The following MGRN1 variants were observed in gnomAD, a reference collection of about 807,000 sequenced individuals.
MGRN1 encodes E3 ubiquitin-protein ligase MGRN1.
In MGRN1, 29 loss-of-function variants were observed where a neutral mutation model predicts 69.2. That is an observed-to-expected ratio of 0.42 (90% CI 0.31 to 0.57). MGRN1 has a LOEUF of 0.57. Ranked by LOEUF, MGRN1 falls within the 20% of genes least tolerant of loss-of-function variation. The pLI, the probability that MGRN1 is intolerant of heterozygous loss-of-function variation, is 0.15. For missense variants in MGRN1, 998 were observed against 796.2 expected, an observed-to-expected ratio of 1.25 and a Z score of -3.05; for synonymous variants, 470 against 344.2, an observed-to-expected ratio of 1.37 and a Z score of -4.04.
At chr16:4,629,705 C>G (rs890381763) in intron 1 of MGRN1, among the ~76,000 whole-genome samples, 1 of 149,712 alleles carries the variant, frequency 6.7e-6, no homozygotes, top group Non-Finnish European at 1.5e-5. Flanking sequence ...CGCCACTGCA[C>G]TCCAGCCTGG....
intron 9 of MGRN1, 146 bp downstream of exon 9, chr16:4,671,605 T>G (rs1443538886): frequency 4.2e-6 from 3 of 710,204 alleles, no homozygotes; most frequent in Non-Finnish European, 7.3e-6. Flanking sequence ...TTAATTTTTT[T>G]TAAAGCTAAC....
intron 1 of MGRN1, among the ~76,000 whole-genome samples, chr16:4,646,420 C>G (rs1358155245): frequency 2.1e-5 from 3 of 144,516 alleles, no homozygotes; most frequent in Non-Finnish European, 3.0e-5. Flanking sequence ...AAGACCCTGT[C>G]TCAAAAAAAA....
Position 4,638,904 on chromosome 16 carries a change from G to A in MGRN1, c.89-11461G>A, listed in dbSNP as rs72770328. 4.7e-3 allele frequency among the ~76,000 whole-genome samples: 712 copies of A among 152,268 alleles called. 3 individuals are homozygous for A. The highest frequency in any genetic ancestry group is 7.4e-3 in the Non-Finnish European group (506 of 68,024). On this transcript the variant is annotated intron_variant, in intron 1 of 16. Transcript: ENST00000262370. ...CCACCCCTGGTGTCCCGGGTCCCTG[G>A]GCCGCTGTGTTTCTTAGGAGGCAGA...
chr16:4,683,726 T>A, intron 15 of MGRN1, 117 bp from the exon 16 acceptor site: 1 of 812,348 alleles, frequency 1.2e-6, no homozygotes, highest in Admixed American at 2.6e-5. Flanking sequence ...AGCACAAGCC[T>A]GGGGTCCCCA....
intron 8 of MGRN1, among the ~76,000 whole-genome samples, chr16:4,669,431 C>CAAAAAAAAAAAAAAAAAA (rs58001283): frequency 1.5e-4 from 14 of 92,992 alleles, no homozygotes; most frequent in East Asian, 7.9e-4. Context: ...AAGACTGTGT[C>CAAAAAAAAAAAAAAAAAA]AAAAAAAAAA....
chr16:4,627,640 TTA>T (rs1897750988), intron 1 of MGRN1, among the ~76,000 whole-genome samples: 1 of 143,284 alleles, frequency 7.0e-6, no homozygotes, highest in Non-Finnish European at 1.5e-5. Flanking sequence ...ACAAAAAAAT[TTA>T]GCCGGGCGTG....
At chr16:4,626,910 C>T (rs1316543909) in intron 1 of MGRN1, among the ~76,000 whole-genome samples, 3 of 152,248 alleles carry the variant, frequency 2.0e-5, no homozygotes, top group Non-Finnish European at 4.4e-5. Context: ...CTGCGCCCAT[C>T]CAGTCCACAG....
At chr16:4,665,856 G>A (rs550563641) in intron 7 of MGRN1, among the ~76,000 whole-genome samples, 1 of 151,294 alleles carries the variant, frequency 6.6e-6, no homozygotes, top group Admixed American at 6.6e-5. Flanking sequence ...TTGAGACAGA[G>A]TCTCGCTCTT....
intron 12 of MGRN1, chr16:4,680,448 T>C: frequency 3.6e-6 from 1 of 275,000 alleles, no homozygotes; most frequent in South Asian, 3.7e-5. Context: ...CGCGCATGCT[T>C]CTTGGCCCCG....
chr16:4,630,776 C>T (rs1436752651), intron 1 of MGRN1, among the ~76,000 whole-genome samples: 4 of 146,560 alleles, frequency 2.7e-5, no homozygotes, highest in African/African-American at 1.0e-4. Context: ...TTAGCTCTTA[C>T]ATTTAGGTCT....
chr16:4,671,244 C>T (rs1293126259), intron 8 of MGRN1, 147 bp from the exon 9 acceptor site: 3 of 699,394 alleles, frequency 4.3e-6, no homozygotes, highest in Non-Finnish European at 7.3e-6. Flanking sequence ...GTTTTCCCTG[C>T]CCTTCTCCTG....
intron 2 of MGRN1, 133 bp from the exon 3 acceptor site, chr16:4,651,830 C>G (rs2141882172): frequency 1.3e-6 from 1 of 773,006 alleles, no homozygotes; most frequent in Non-Finnish European, 2.2e-6. Context: ...GAACAGTGCA[C>G]CCAGTATAGC....
intron 8 of MGRN1, among the ~76,000 whole-genome samples, chr16:4,668,540 T>A (rs116842267): frequency 2.0e-5 from 3 of 150,210 alleles, no homozygotes; most frequent in Non-Finnish European, 4.5e-5. Flanking sequence ...GACACACACA[T>A]ACACACATAA....
chr16:4,624,883 C>T lies in MGRN1; in HGVS notation c.-78C>T, dbSNP rs1596245514. The T allele has an allele frequency of 8.5e-6, 11 of 1,296,012 alleles. No homozygotes were observed. Among genetic ancestry groups the T allele is most frequent in the Non-Finnish European group, 1.1e-5 (11 of 956,534 alleles). The allele number at this position is 1,296,012 out of a possible 1,614,324, so 80.3% of individuals were successfully genotyped here. A position where few individuals can be genotyped will look rare whatever the true frequency, so the allele number is the denominator to read the frequency against. ...AGCGTCCGTGCGGCCTGGTCCGGGC[C>T]ATGTCCGCGTGAGGACCCCGCCGCT... On this transcript the variant is annotated 5_prime_UTR_variant, in exon 1 of 17. Coordinates refer to ENST00000262370, the MANE Select transcript of MGRN1 (RefSeq NM_015246.4).
At chr16:4,630,702 C>T (rs1392555376) in intron 1 of MGRN1, among the ~76,000 whole-genome samples, 4 of 152,108 alleles carry the variant, frequency 2.6e-5, no homozygotes, top group Non-Finnish European at 5.9e-5. Flanking sequence ...GCCTTGGCCT[C>T]CCAGATTGCT....
At chr16:4,648,340 C>T (rs1260489531) in intron 1 of MGRN1, among the ~76,000 whole-genome samples, 4 of 137,436 alleles carry the variant, frequency 2.9e-5, no homozygotes, top group Non-Finnish European at 4.6e-5. Flanking sequence ...CTCCTCCTCT[C>T]GGGGACTCTT....
chr16:4,649,239 C>G (rs1399088860), intron 1 of MGRN1: 1 of 152,342 alleles, frequency 6.6e-6, no homozygotes, highest in Admixed American at 6.5e-5. Context: ...GGAAAGTACA[C>G]AGGGCTCAGA....
In MGRN1 at chr16:4,629,150, A is replaced by ATATTTGTGTGTGTGTG. The variant is rs1555445266; in HGVS notation, c.88+4103_88+4104insATTTGTGTGTGTGTGT. ...TGCACCTGGCCTGCTTTCTGTTCGTATGTGTGTGTGTGTGTGTGTGTGTGT... is the reference window on the plus strand; with the variant it reads ...TGCACCTGGCCTGCTTTCTGTTCGTATATTTGTGTGTGTGTGTGTGTGTGTGTGTGTGTGTGTGTGT... On this transcript the variant is annotated intron_variant, in intron 1 of 16. Transcript: ENST00000262370. Among the ~76,000 whole-genome samples, 56 of 127,696 alleles carry ATATTTGTGTGTGTGTG rather than the reference A, an allele frequency of 4.4e-4. 1 individual carries two copies. Among genetic ancestry groups the ATATTTGTGTGTGTGTG allele is most frequent in the African/African-American group, 1.6e-3 (54 of 32,750 alleles). The allele number at this position is 127,696 out of a possible 152,430, so 83.8% of individuals were successfully genotyped here.
intron 1 of MGRN1, among the ~76,000 whole-genome samples, chr16:4,638,473 A>T (rs1355527220): frequency 1.3e-5 from 2 of 151,654 alleles, no homozygotes; most frequent in East Asian, 1.9e-4. Context: ...TCAAAAAAAA[A>T]AATAAATAAA....
Sources: allele counts gnomAD v4.1 joint callset (sites outside exome capture counted in the v4.1 genomes callset), GRCh38; gene constraint gnomAD v4.1.1; transcripts MANE v1.5; gene names NCBI Gene and HGNC (gene_info 2026-07-23, HGNC 2026-07-21).